RBMX2: variants seen among roughly 807,000 people sequenced by gnomAD.
RBMX2 encodes the protein RNA-binding motif protein, X-linked 2.
For synonymous variants in RBMX2, 77 were observed against 94.3 expected, an observed-to-expected ratio of 0.82 and a Z score of 1.07; for missense variants, 191 against 256.0, an observed-to-expected ratio of 0.75 and a Z score of 1.73.
At chrX:130,405,140 A>T (rs1453903533) in intron 3 of RBMX2, among the ~76,000 whole-genome samples, 1 of 111,641 alleles carries the variant, frequency 9.0e-6, no homozygotes, top group Non-Finnish European at 1.9e-5. Context: ...GCACTTTGGG[A>T]GGCTGAGGTG....
At chrX:130,409,205 A>G (rs1031820852) in intron 3 of RBMX2, 52 bp from the exon 4 acceptor site, 137 of 1,090,772 alleles carry the variant, frequency 1.3e-4, no homozygotes, top group Non-Finnish European at 1.6e-4. Context: ...CCTTATCTGC[A>G]TGTTTTTGCC....
At chrX:130,404,715 G>A (rs2034475628) in intron 3 of RBMX2, among the ~76,000 whole-genome samples, 1 of 112,862 alleles carries the variant, frequency 8.9e-6, no homozygotes, top group African/African-American at 3.2e-5. Context: ...TGGACAGAGG[G>A]CCCTGGCCGA....
At chrX:130,402,406 G>C (rs1368552310) in intron 2 of RBMX2, 36 bp downstream of exon 2, 5 of 1,190,136 alleles carry the variant, frequency 4.2e-6, no homozygotes, top group Non-Finnish European at 5.7e-6. Flanking sequence ...GTGCTCTCCA[G>C]ATTCTCCTGC....
intron 3 of RBMX2, among the ~76,000 whole-genome samples, chrX:130,405,833 CTTTTTTTTTTTTTTTTTTTTTTTT>C (rs770753173): frequency 4.1e-5 from 1 of 24,630 alleles, no homozygotes; most frequent in Non-Finnish European, 6.5e-5. Flanking sequence ...TTTGCTTTGC[CTTTTTTTTTTTTTTTTTTTTTTTT>C]TTTTTTTTTT....
In RBMX2 at chrX:130,403,374, T is replaced by C. The variant is rs745476684; in HGVS notation, c.122-428T>C. Among the ~76,000 whole-genome samples, 62 of 112,332 alleles carry C rather than the reference T, an allele frequency of 5.5e-4. 2 individuals carry two copies. Among genetic ancestry groups the C allele is most frequent in the African/African-American group, 1.9e-3 (60 of 30,909 alleles). Reference sequence around the variant, plus strand: ...GAGTCAGACTTAATTTCTTTCTTTCTTTCTTTTTTTTGAGCTGGAGTTTCA... The same window carrying C: ...GAGTCAGACTTAATTTCTTTCTTTCCTTCTTTTTTTTGAGCTGGAGTTTCA... On this transcript the variant is annotated intron_variant, in intron 2 of 5. Coordinates refer to ENST00000305536, the MANE Select transcript of RBMX2 (RefSeq NM_016024.4).
intron 3 of RBMX2, among the ~76,000 whole-genome samples, chrX:130,407,480 C>T (rs781568091): frequency 9.0e-6 from 1 of 111,198 alleles, no homozygotes; most frequent in African/African-American, 3.3e-5. Context: ...GTTGAATTGG[C>T]TCTAGTATTT....
At chrX:130,403,339 TTC>T (rs2034466034) in intron 2 of RBMX2, among the ~76,000 whole-genome samples, 1 of 112,720 alleles carries the variant, frequency 8.9e-6, no homozygotes, top group Non-Finnish European at 1.9e-5. Context: ...TTACATGTAC[TTC>T]TGTCATTGAG....
intron 5 of RBMX2, among the ~76,000 whole-genome samples, chrX:130,411,992 G>A (rs1158798945): frequency 3.6e-5 from 4 of 111,193 alleles, no homozygotes; most frequent in Middle Eastern, 4.2e-3. Flanking sequence ...GCACGATCTC[G>A]GCTCACTGTA....
chrX:130,406,236 C>T (rs1161225054), intron 3 of RBMX2, among the ~76,000 whole-genome samples: 1 of 110,989 alleles, frequency 9.0e-6, no homozygotes, highest in Non-Finnish European at 1.9e-5. Context: ...TGTAAATTGT[C>T]TATTCATATC....
At chrX:130,412,260 TGTAAC>T in intron 5 of RBMX2, 96 bp from the exon 6 acceptor site, 2 of 997,965 alleles carry the variant, frequency 2.0e-6, no homozygotes, top group African/African-American at 1.9e-5. Flanking sequence ...CTGTGGTTGA[TGTAAC>T]GTATTCAGAA....
intron 4 of RBMX2, among the ~76,000 whole-genome samples, chrX:130,410,409 CA>C (rs1179837653): frequency 9.1e-6 from 1 of 109,428 alleles, no homozygotes; most frequent in Non-Finnish European, 1.9e-5. Flanking sequence ...GGGAGGGGGA[CA>C]GGGTCTCACT....
intron 4 of RBMX2, among the ~76,000 whole-genome samples, chrX:130,410,628 CCA>C (rs1402918816): frequency 8.9e-6 from 1 of 111,843 alleles, no homozygotes; most frequent in Non-Finnish European, 1.9e-5. Context: ...CTCAAGTGAT[CCA>C]CCCGCTTTGG....
At chrX:130,402,437 C>A (rs1425644399) in intron 2 of RBMX2, 67 bp downstream of exon 2, 3 of 1,154,025 alleles carry the variant, frequency 2.6e-6, no homozygotes, top group Middle Eastern at 2.3e-4. Flanking sequence ...ACTATTTCGG[C>A]ATTTTCACCC....
Position 130,412,810 on chromosome X carries a change from C to A in RBMX2, c.931C>A (p.Arg311=). 2 of 1,210,185 alleles carry A rather than the reference C, an allele frequency of 1.7e-6. No individual in the cohort carries two copies. The highest frequency in any genetic ancestry group is 2.2e-6 in the Non-Finnish European group (2 of 895,189). ...RHKRARRSRE[R]ESSNPSDRWR... ...TAAAAGGGCCCGACGCTCCCGGGAG[C>A]GGGAGTCTTCGAATCCCAGTGACCG... The change falls in exon 6 of 6, where the codon CGG becomes AGG. Residue 311 remains arginine (R), a synonymous_variant. Transcript: ENST00000305536.
In RBMX2 at chrX:130,412,355, C is replaced by T; in HGVS notation, c.482-6C>T. The T allele has an allele frequency of 1.8e-6, 2 of 1,108,378 alleles. No homozygotes were observed. The highest frequency in any genetic ancestry group is 2.4e-6 in the Non-Finnish European group (2 of 843,546). 91.3% of individuals were successfully genotyped at this position (1,108,378 alleles called of 1,213,427 possible). On this transcript the variant is annotated splice_polypyrimidine_tract_variant and splice_region_variant and intron_variant, in intron 5 of 5. Transcript: ENST00000305536. Reference sequence around the variant, plus strand: ...TTATTTACTGCTTCTTTCTTTTATCCTCCAGACAAAAAGGAAAAAAAGAAA... The same window carrying T: ...TTATTTACTGCTTCTTTCTTTTATCTTCCAGACAAAAAGGAAAAAAAGAAA...
At chrX:130,403,881 T>G (rs1276343450) in intron 3 of RBMX2, 28 bp downstream of exon 3, 1 of 1,185,066 alleles carries the variant, frequency 8.4e-7, no homozygotes, top group Non-Finnish European at 1.1e-6. Context: ...TCCTGCCTCC[T>G]GAGTCGACAG....
chrX:130,407,665 C>CTT (rs1019718080), intron 3 of RBMX2, among the ~76,000 whole-genome samples: 1 of 100,122 alleles, frequency 1.0e-5, no homozygotes, highest in African/African-American at 3.6e-5. Context: ...AATGTTTTTT[C>CTT]TTTTTTTTTT....
chrX:130,403,312 T>C (rs998948732), intron 2 of RBMX2, among the ~76,000 whole-genome samples: 2 of 112,800 alleles, frequency 1.8e-5, no homozygotes, highest in Non-Finnish European at 3.7e-5. Context: ...TACTCCTTTT[T>C]CTGTACTACT....
intron 4 of RBMX2, among the ~76,000 whole-genome samples, chrX:130,409,795 C>T (rs1045426653): frequency 8.9e-6 from 1 of 111,794 alleles, no homozygotes; most frequent in Non-Finnish European, 1.9e-5. Context: ...AGTACATAGC[C>T]ATGTATGTCT....
Sources: gnomAD v4.1 joint callset for allele counts (sites outside exome capture counted in the v4.1 genomes callset) on GRCh38, gnomAD v4.1.1 for gene constraint, MANE v1.5 for transcripts, NCBI Gene and HGNC (gene_info 2026-07-23, HGNC 2026-07-21) for gene names.